CHODL: variants seen among roughly 807,000 people sequenced by gnomAD.
The protein encoded by CHODL is transmembrane protein MT75.
In CHODL, 29 loss-of-function variants were observed where a neutral mutation model predicts 34.5. The ratio of observed to expected loss-of-function variants is 0.84; its 90% CI spans 0.63 to 1.15. The LOEUF is 1.15. CHODL is among the 50% of genes most tolerant of loss of function. CHODL has a pLI of 0.00. For missense variants in CHODL, 332 were observed against 332.5 expected (o/e 1.00, Z 0.01); for synonymous variants, 125 against 116.1 (o/e 1.08, Z -0.49).
At chr21:18,207,173 T>C (rs559549205) in intron 2 of CHODL, among the ~76,000 whole-genome samples, 2 of 152,248 alleles carry the variant, frequency 1.3e-5, no homozygotes, top group East Asian at 1.9e-4. Context: ...CTGAGAATGA[T>C]GGTTTCCAGC....
intron 1 of CHODL, among the ~76,000 whole-genome samples, chr21:17,992,720 T>TTTTC (rs2063808604): frequency 2.4e-5 from 1 of 40,842 alleles, no homozygotes; most frequent in Non-Finnish European, 6.8e-5. Context: ...GTGGAGTTGT[T>TTTTC]TTTTTTTTTT....
intron 2 of CHODL, among the ~76,000 whole-genome samples, chr21:18,104,853 A>T (rs945044697): frequency 2.6e-5 from 4 of 152,234 alleles, no homozygotes; most frequent in African/African-American, 7.2e-5. Flanking sequence ...TTCTAACCAT[A>T]ATGGTTACCA....
intron 2 of CHODL, among the ~76,000 whole-genome samples, chr21:18,138,723 T>A (rs1568905980): frequency 6.6e-6 from 1 of 152,172 alleles, no homozygotes; most frequent in African/African-American, 2.4e-5. Flanking sequence ...TTAGTACTGG[T>A]TGCATACTTT....
At chr21:17,998,294 T>G (rs1600874066) in intron 1 of CHODL, among the ~76,000 whole-genome samples, 1 of 152,344 alleles carries the variant, frequency 6.6e-6, no homozygotes, top group South Asian at 2.1e-4. Flanking sequence ...GCTCCACCCC[T>G]GTGGCTTTTC....
chr21:18,210,302 G>A (rs750487055), intron 2 of CHODL, among the ~76,000 whole-genome samples: 3 of 152,122 alleles, frequency 2.0e-5, no homozygotes, highest in African/African-American at 4.8e-5. Context: ...CCACAATCAC[G>A]GCACTTCCCC....
At chr21:17,952,985 G>A (rs1446219377) in intron 1 of CHODL, among the ~76,000 whole-genome samples, 1 of 152,048 alleles carries the variant, frequency 6.6e-6, no homozygotes, top group Non-Finnish European at 1.5e-5. Context: ...ACTATCATGA[G>A]AACAGCTTGG....
At chr21:18,060,710 A>AAAAAAAG (rs2064652147) in intron 2 of CHODL, among the ~76,000 whole-genome samples, 1 of 44,070 alleles carries the variant, frequency 2.3e-5, no homozygotes, top group African/African-American at 8.4e-5. Context: ...TCCTCGGACC[A>AAAAAAAG]AAAAAAAAAA....
In CHODL at chr21:18,042,327, C is replaced by T. The variant is rs539502537; in HGVS notation, c.-45+14356C>T. Among the ~76,000 whole-genome samples the T allele has an allele frequency of 1.7e-4, 26 of 151,928 alleles. 2 individuals are homozygous for T. In the South Asian group the frequency reaches 5.2e-3, roughly 30 times the overall value. On this transcript the variant is annotated intron_variant, in intron 2 of 6. Coordinates refer to the CHODL transcript ENST00000400127. ...CCTTCTTACAGCCTGATTGAGATGGCCCCATTTTGGGGCCCACAAATTGTA... is the reference window on the plus strand; with the variant it reads ...CCTTCTTACAGCCTGATTGAGATGGTCCCATTTTGGGGCCCACAAATTGTA...
At chr21:18,136,630 C>G (rs1488713039) in intron 2 of CHODL, among the ~76,000 whole-genome samples, 1 of 150,392 alleles carries the variant, frequency 6.6e-6, no homozygotes, top group Non-Finnish European at 1.5e-5. Flanking sequence ...TGCGTGCGCA[C>G]ACACATATAC....
In CHODL at chr21:18,266,334, ATG is replaced by A; in HGVS notation, c.*302_*303del. The A allele has an allele frequency of 1.4e-6, 1 of 731,150 alleles. No homozygotes were observed. The highest frequency in any genetic ancestry group is 2.1e-6 in the Non-Finnish European group (1 of 472,920). 45.3% of individuals were successfully genotyped at this position (731,150 alleles called of 1,614,324 possible). On this transcript the variant is annotated 3_prime_UTR_variant, in exon 6 of 6. Coordinates refer to ENST00000299295, the MANE Select transcript of CHODL (RefSeq NM_024944.3). ...AAGTTGTTATCAACACGTCGGGAGTATGTGTGTTAGAAGCAATTCCTTTTATT... is the reference window on the plus strand; with the variant it reads ...AAGTTGTTATCAACACGTCGGGAGTATGTGTTAGAAGCAATTCCTTTTATT...
Position 18,181,686 on chromosome 21 carries a change from A to G in CHODL, c.-44-74823A>G, listed in dbSNP as rs540908779. On this transcript the variant is annotated intron_variant, in intron 2 of 6. Transcript: ENST00000400127. Reference sequence around the variant, plus strand: ...ATTACAGGCGTGAGCCACCGCGCCCAGCCAAGAATCACATCTTATTCTCCC... The same window carrying G: ...ATTACAGGCGTGAGCCACCGCGCCCGGCCAAGAATCACATCTTATTCTCCC... Among the ~76,000 whole-genome samples the G allele has an allele frequency of 7.9e-5, 12 of 152,288 alleles. No individual in the cohort carries two copies. In the South Asian group the frequency reaches 8.3e-4, roughly 11 times the overall value.
At chr21:18,214,876 A>C (rs2146728504) in intron 2 of CHODL, among the ~76,000 whole-genome samples, 1 of 152,252 alleles carries the variant, frequency 6.6e-6, no homozygotes, top group South Asian at 2.1e-4. Flanking sequence ...AAGATTCTTT[A>C]AAAAATAGTA....
intron 1 of CHODL, among the ~76,000 whole-genome samples, chr21:18,007,379 A>G (rs2063970511): frequency 6.6e-6 from 1 of 152,210 alleles, no homozygotes; most frequent in African/African-American, 2.4e-5. Context: ...ATATGTATTT[A>G]CTATACATTA....
chr21:18,236,034 T>C (rs918140699), intron 2 of CHODL, among the ~76,000 whole-genome samples: 1 of 152,120 alleles, frequency 6.6e-6, no homozygotes, highest in Non-Finnish European at 1.5e-5. Flanking sequence ...TTTGTATTAG[T>C]ACATTATCAC....
At position 18,245,159 on chromosome 21, in the gene CHODL, G is replaced by T. The variant is rs1217892445; in HGVS notation, c.-65G>T. On this transcript the variant is annotated 5_prime_UTR_variant, in exon 1 of 6. Coordinates refer to ENST00000299295, the MANE Select transcript of CHODL (RefSeq NM_024944.3). ...AGGGAGGCTGCAGAGTCAGAGTCGC[G>T]GGCTGCGCCCTGGGCAGAGGCCGCC... is the stretch of plus-strand genomic sequence containing the variant. The T allele has an allele frequency of 2.2e-6, 3 of 1,358,120 alleles. No homozygotes were observed. The highest frequency in any genetic ancestry group is 2.9e-6 in the Non-Finnish European group (3 of 1,019,304). 84.1% of individuals were successfully genotyped at this position (1,358,120 alleles called of 1,614,324 possible). A position where few individuals can be genotyped will look rare whatever the true frequency, so the allele number is the denominator to read the frequency against.
intron 2 of CHODL, among the ~76,000 whole-genome samples, chr21:18,139,742 G>A (rs915309104): frequency 1.8e-4 from 27 of 152,150 alleles, no homozygotes; most frequent in African/African-American, 6.0e-4. Flanking sequence ...ATTTAGATGT[G>A]TATTCCAGGC....
intron 2 of CHODL, among the ~76,000 whole-genome samples, chr21:18,118,945 T>A (rs1306004829): frequency 3.3e-5 from 5 of 152,196 alleles, no homozygotes; most frequent in Non-Finnish European, 2.9e-5. Flanking sequence ...CCAAGCCAGA[T>A]GGAAGAGTCA....
At chr21:18,069,791 G>C (rs1431514020) in intron 2 of CHODL, among the ~76,000 whole-genome samples, 1 of 151,572 alleles carries the variant, frequency 6.6e-6, no homozygotes, top group Non-Finnish European at 1.5e-5. Flanking sequence ...TAAATTTTTT[G>C]TAAAGACAGA....
intron 2 of CHODL, among the ~76,000 whole-genome samples, chr21:18,187,266 C>G (rs1022685708): frequency 1.3e-5 from 2 of 152,166 alleles, no homozygotes; most frequent in African/African-American, 2.4e-5. Flanking sequence ...TGGCATTGAA[C>G]TACCATCCTA....
Sources: allele counts gnomAD v4.1 joint callset (sites outside exome capture counted in the v4.1 genomes callset), GRCh38; gene constraint gnomAD v4.1.1; transcripts MANE v1.5; gene names NCBI Gene and HGNC (gene_info 2026-07-23, HGNC 2026-07-21).